Variants in EVI5 observed in about 807,000 individuals in gnomAD.
The protein encoded by EVI5 is ecotropic viral integration site 5 protein homolog.
Under a neutral mutation model 112.0 loss-of-function variants are expected in EVI5, and 73 were observed. That is an observed-to-expected ratio of 0.65 (90% CI 0.54 to 0.79). The LOEUF (loss-of-function observed/expected upper bound fraction) is 0.79. Ranked by LOEUF, EVI5 falls within the 30% of genes least tolerant of loss-of-function variation. The pLI, the probability that EVI5 is intolerant of heterozygous loss-of-function variation, is 0.00. For synonymous variants in EVI5, 305 were observed against 319.9 expected (o/e 0.95, Z 0.50); for missense variants, 900 against 968.8 (o/e 0.93, Z 0.94).
In EVI5 at chr1:92,526,994, T is replaced by C. The variant is rs947638360; in HGVS notation, c.2167-13024A>G. Among the ~76,000 whole-genome samples the C allele has an allele frequency of 5.9e-5, 9 of 152,370 alleles. 1 individual carries two copies. The highest frequency in any genetic ancestry group is 3.9e-4 in the Admixed American group (6 of 15,304). ...TAATTTTCCACTTAATTTTTAATTA[T>C]TCTGTAACTCTGACTGTCCCCCAAG... On this transcript the variant is annotated intron_variant, in intron 19 of 19. Coordinates refer to ENST00000684568, the MANE Select transcript of EVI5 (RefSeq NM_001350197.2).
chr1:92,705,935 T>C (rs1157811443), intron 2 of EVI5, among the ~76,000 whole-genome samples: 2 of 152,182 alleles, frequency 1.3e-5, no homozygotes, highest in Non-Finnish European at 2.9e-5. Context: ...TTATATCCCT[T>C]AGAACATTTA....
intron 18 of EVI5, among the ~76,000 whole-genome samples, chr1:92,581,785 ATAAAGTATG>A (rs58212219): frequency 0.92 from 139,876 of 151,852 alleles, 64,511 homozygotes; most frequent in East Asian, 0.97. Flanking sequence ...ATTTATTTAA[ATAAAGTATG>A]TAAAGGAATC....
intron 18 of EVI5, among the ~76,000 whole-genome samples, chr1:92,596,292 C>T (rs7535490): frequency 0.61 from 93,037 of 151,954 alleles, 29,299 homozygotes; most frequent in East Asian, 0.92. Flanking sequence ...CCTGGGAGGT[C>T]GAGGTTACAA....
chr1:92,705,523 G>A (rs1671824450), intron 2 of EVI5, among the ~76,000 whole-genome samples: 1 of 152,140 alleles, frequency 6.6e-6, no homozygotes. Context: ...CCAGCTAACA[G>A]CTGCTATTTA....
chr1:92,631,150 C>T (rs1170662660), intron 14 of EVI5, among the ~76,000 whole-genome samples: 1 of 151,998 alleles, frequency 6.6e-6, no homozygotes, highest in African/African-American at 2.4e-5. Context: ...TTAGGATTGA[C>T]TTGGCAATGC....
intron 19 of EVI5, among the ~76,000 whole-genome samples, chr1:92,518,046 T>C (rs1026044317): frequency 5.9e-5 from 9 of 152,128 alleles, no homozygotes; most frequent in African/African-American, 2.2e-4. Context: ...TACAGGTGCA[T>C]GGCACCACAC....
intron 14 of EVI5, among the ~76,000 whole-genome samples, chr1:92,627,410 C>A (rs1655924360): frequency 6.6e-6 from 1 of 152,126 alleles, no homozygotes; most frequent in Non-Finnish European, 1.5e-5. Context: ...TTTCTTTATC[C>A]ACTTGTTGAT....
At chr1:92,616,418 G>A (rs562276721) in intron 16 of EVI5, among the ~76,000 whole-genome samples, 5 of 152,246 alleles carry the variant, frequency 3.3e-5, no homozygotes, top group Admixed American at 2.6e-4. Flanking sequence ...ACCATCAAAC[G>A]CAAGGTAGGC....
At chr1:92,590,938 A>G (rs1472809188) in intron 18 of EVI5, among the ~76,000 whole-genome samples, 1 of 152,234 alleles carries the variant, frequency 6.6e-6, no homozygotes, top group Non-Finnish European at 1.5e-5. Context: ...TACAAGTCAG[A>G]AGAGAGTGGG....
intron 19 of EVI5, 92 bp downstream of exon 19, chr1:92,563,549 TG>T: frequency 3.4e-6 from 2 of 591,856 alleles, no homozygotes; most frequent in South Asian, 5.6e-5. Flanking sequence ...ATATTCAGCA[TG>T]AAAGTGTCAG....
chr1:92,607,035 T>C (rs2101597596), intron 17 of EVI5, among the ~76,000 whole-genome samples: 1 of 152,242 alleles, frequency 6.6e-6, no homozygotes, highest in African/African-American at 2.4e-5. Flanking sequence ...TTCAAATACT[T>C]TTGATGCTTT....
chr1:92,533,438 C>T (rs2101876789), intron 19 of EVI5, among the ~76,000 whole-genome samples: 1 of 152,092 alleles, frequency 6.6e-6, no homozygotes, highest in South Asian at 2.1e-4. Context: ...CTCATGAGGC[C>T]AGCATCATCC....
At chr1:92,732,356 G>A (rs1676614146) in intron 2 of EVI5, 1 of 346,802 alleles carries the variant, frequency 2.9e-6, no homozygotes, top group Non-Finnish European at 5.6e-6. Flanking sequence ...TAAAGACATT[G>A]ATTCCAAAAC....
At chr1:92,751,608 A>G (rs1680206570) in intron 1 of EVI5, among the ~76,000 whole-genome samples, 1 of 151,736 alleles carries the variant, frequency 6.6e-6, no homozygotes, top group Non-Finnish European at 1.5e-5. Context: ...CTCCTCTACT[A>G]CCTTCCTGAA....
At chr1:92,569,113 G>T (rs1571601565) in intron 18 of EVI5, among the ~76,000 whole-genome samples, 1 of 152,154 alleles carries the variant, frequency 6.6e-6, no homozygotes, top group South Asian at 2.1e-4. Flanking sequence ...AATGTGCCAG[G>T]AGTTTTCTAA....
intron 14 of EVI5, among the ~76,000 whole-genome samples, chr1:92,630,298 T>C (rs1656716292): frequency 6.6e-6 from 1 of 152,222 alleles, no homozygotes; most frequent in South Asian, 2.1e-4. Flanking sequence ...CGTAAAAGTG[T>C]TCCTATTTCT....
chr1:92,636,320 T>G lies in EVI5; in HGVS notation c.1409A>C (p.Asn470Thr). The G allele has an allele frequency of 6.2e-7, 1 of 1,613,788 alleles. No individual in the cohort carries two copies. Among genetic ancestry groups the G allele is most frequent in the Non-Finnish European group, 8.5e-7 (1 of 1,179,722 alleles). The stretch of plus-strand genomic sequence containing the variant: ...CTGTAGCACAAAATCTTCGTTGTAG[T>G]TGGAACTGCATTTATGCTAAAGGTT... ...HQQQWHKCSS[N>T]YNEDFVLQLE... is the part of the protein sequence containing the mutation. The change falls in exon 14 of 20, where the codon AAC (asparagine) becomes ACC (threonine). Residue 470 changes from asparagine (N) to threonine (T), a missense_variant. Coordinates refer to ENST00000684568, the MANE Select transcript of EVI5 (RefSeq NM_001350197.2).
chr1:92,626,004 A>G, intron 14 of EVI5, 70 bp from the exon 15 acceptor site: 10 of 896,992 alleles, frequency 1.1e-5, no homozygotes, highest in Non-Finnish European at 1.6e-5. Flanking sequence ...CACAACAGCT[A>G]TTGTGTTCCA....
chr1:92,659,424 A>C (rs1320717518), intron 13 of EVI5, among the ~76,000 whole-genome samples: 1 of 152,184 alleles, frequency 6.6e-6, no homozygotes, highest in Non-Finnish European at 1.5e-5. Context: ...AACTCCATTA[A>C]AAAGTGAGCA....
Sources: allele counts gnomAD v4.1 joint callset (sites outside exome capture counted in the v4.1 genomes callset), GRCh38; gene constraint gnomAD v4.1.1; transcripts MANE v1.5; gene names NCBI Gene and HGNC (gene_info 2026-07-23, HGNC 2026-07-21).